Variants in DYM observed in about 807,000 individuals in gnomAD.
DYM encodes dyggve-Melchior-Clausen syndrome protein.
Under a neutral mutation model 93.1 loss-of-function variants are expected in DYM, and 78 were observed. The observed-to-expected ratio is 0.84, with a 90% CI of 0.70 to 1.01. The LOEUF (loss-of-function observed/expected upper bound fraction) is 1.01. DYM is among the 50% of genes least tolerant of loss of function. DYM has a pLI of 0.00. For synonymous variants in DYM, 321 were observed against 319.7 expected (o/e 1.00, Z -0.04); for missense variants, 789 against 845.0 (o/e 0.93, Z 0.82).
intron 17 of DYM, among the ~76,000 whole-genome samples, chr18:49,068,425 T>C (rs1042370060): frequency 6.6e-6 from 1 of 152,264 alleles, no homozygotes; most frequent in Non-Finnish European, 1.5e-5. Context: ...GGTTCCTTCA[T>C]ACCTTTCTTT....
intron 15 of DYM, among the ~76,000 whole-genome samples, chr18:49,134,937 T>C (rs1168007142): frequency 1.3e-5 from 2 of 152,008 alleles, no homozygotes; most frequent in Non-Finnish European, 2.9e-5. Flanking sequence ...TGAAACCCCA[T>C]CTCTACTAAA....
intron 13 of DYM, among the ~76,000 whole-genome samples, chr18:49,220,107 A>G (rs1367879449): frequency 6.6e-6 from 1 of 152,166 alleles, no homozygotes; most frequent in Non-Finnish European, 1.5e-5. Context: ...TTATACACCA[A>G]TAACAGACAA....
intron 1 of DYM, among the ~76,000 whole-genome samples, chr18:49,439,154 T>C (rs1267986784): frequency 6.6e-6 from 1 of 152,208 alleles, no homozygotes; most frequent in Non-Finnish European, 1.5e-5. Flanking sequence ...GTTCTGTTGA[T>C]ATCTCTAAAA....
chr18:49,191,239 T>C (rs2090943137), intron 14 of DYM, among the ~76,000 whole-genome samples: 1 of 152,142 alleles, frequency 6.6e-6, no homozygotes, highest in Non-Finnish European at 1.5e-5. Flanking sequence ...AACAGAAGAA[T>C]GACAAGGAAG....
rs28452166 is a variant in DYM, at chr18:49,289,808, T to C, written c.764-3192A>G. On this transcript the variant is annotated intron_variant, in intron 8 of 17. Coordinates refer to ENST00000675505, the MANE Select transcript of DYM (RefSeq NM_001353214.3). ...ATATATACACACATATATATATATA[T>C]ACACATATATATTTATTTATATATT... is the stretch of plus-strand genomic sequence containing the variant. Among the ~76,000 whole-genome samples, 1,064 of 126,246 alleles carry C rather than the reference T, an allele frequency of 8.4e-3. 15 individuals are homozygous for C. The highest frequency in any genetic ancestry group is 0.064 in the Middle Eastern group (15 of 234). The allele number at this position is 126,246 out of a possible 152,430, so 82.8% of individuals were successfully genotyped here.
chr18:49,233,849 G>A (rs1055500271), intron 13 of DYM, among the ~76,000 whole-genome samples: 6 of 152,124 alleles, frequency 3.9e-5, no homozygotes, highest in East Asian at 1.9e-4. Context: ...AGTGCTGGCC[G>A]GGCGCGGTGG....
intron 12 of DYM, 60 bp downstream of exon 12, chr18:49,258,320 A>T: frequency 1.6e-6 from 2 of 1,234,236 alleles, no homozygotes; most frequent in Non-Finnish European, 1.2e-6. Context: ...GGATTGCTTT[A>T]AACTATCGTC....
At chr18:49,432,016 A>T (rs1189470158) in intron 1 of DYM, 2 of 152,230 alleles carry the variant, frequency 1.3e-5, no homozygotes, top group Non-Finnish European at 2.9e-5. Flanking sequence ...TAAGACAGCT[A>T]ATCATAAGGT....
chr18:49,357,203 C>T (rs896495212), intron 6 of DYM, among the ~76,000 whole-genome samples: 4 of 152,174 alleles, frequency 2.6e-5, no homozygotes, highest in Non-Finnish European at 5.9e-5. Context: ...TTCTTCTCAT[C>T]GGGGTATCTT....
At chr18:49,264,958 T>G (rs1776416380) in intron 11 of DYM, among the ~76,000 whole-genome samples, 1 of 152,214 alleles carries the variant, frequency 6.6e-6, no homozygotes, top group Non-Finnish European at 1.5e-5. Context: ...CAAAAGTGAC[T>G]GTGTCTTAAA....
At chr18:49,180,956 G>A (rs562007771) in intron 14 of DYM, among the ~76,000 whole-genome samples, 3 of 152,242 alleles carry the variant, frequency 2.0e-5, no homozygotes, top group African/African-American at 7.2e-5. Flanking sequence ...ATTCCAACTT[G>A]TTATATGTTA....
Position 49,225,810 on chromosome 18 carries a change from A to G in DYM, c.1461-16095T>C, listed in dbSNP as rs538957005. 7.4e-4 allele frequency among the ~76,000 whole-genome samples: 113 copies of G among 152,254 alleles called. 2 individuals are homozygous for G. The highest frequency in any genetic ancestry group is 2.7e-3 in the African/African-American group (112 of 41,564). ...ATAAGTGCATCAATAAAGATCTAAA[A>G]CCTGAACATTTGTAGAAACATAAAT... On this transcript the variant is annotated intron_variant, in intron 13 of 17. Coordinates refer to ENST00000675505, the MANE Select transcript of DYM (RefSeq NM_001353214.3).
chr18:49,387,256 T>C (rs768284368), intron 3 of DYM, among the ~76,000 whole-genome samples: 2 of 151,596 alleles, frequency 1.3e-5, no homozygotes, highest in African/African-American at 2.4e-5. Flanking sequence ...ATATCTGTTA[T>C]AGTGATCTCT....
In DYM at chr18:49,363,216, G is replaced by T; in HGVS notation, c.439C>A (p.Leu147Ile). The change falls in exon 6 of 18, where the codon CTT becomes ATT. Residue 147 changes from leucine to isoleucine, a missense_variant. By Grantham distance (5) the Leu-to-Ile change is conservative (BLOSUM62 2). Transcript: ENST00000675505. ...AAACAGCACAGCAATTCTTCCAAAA[G>T]ATCTTCTGAGTCAGAACCTGGTAAG... ...PGNYSSDSED[L>I]LEELLCCLMQ... The T allele has an allele frequency of 6.2e-7, 1 of 1,613,774 alleles. No homozygotes were observed. The highest frequency in any genetic ancestry group is 8.5e-7 in the Non-Finnish European group (1 of 1,179,808).
At chr18:49,155,988 G>A (rs988657414) in intron 15 of DYM, among the ~76,000 whole-genome samples, 1 of 152,182 alleles carries the variant, frequency 6.6e-6, no homozygotes, top group East Asian at 1.9e-4. Flanking sequence ...TAAAATGGCT[G>A]CACCATATAA....
intron 13 of DYM, among the ~76,000 whole-genome samples, chr18:49,219,380 G>C (rs1317264520): frequency 1.3e-5 from 2 of 152,202 alleles, no homozygotes; most frequent in African/African-American, 4.8e-5. Context: ...AATAGAAAAA[G>C]AGGGAACCCT....
chr18:49,445,466 A>ATTCCCTTT (rs1229061954), intron 1 of DYM, among the ~76,000 whole-genome samples: 3 of 152,212 alleles, frequency 2.0e-5, no homozygotes, highest in African/African-American at 7.2e-5. Flanking sequence ...TGAAATTTAA[A>ATTCCCTTT]ACAAAAGAAC....
intron 14 of DYM, among the ~76,000 whole-genome samples, chr18:49,166,629 G>A (rs192248859): frequency 6.6e-5 from 10 of 152,070 alleles, no homozygotes; most frequent in Admixed American, 4.6e-4. Flanking sequence ...AAAAAATTGG[G>A]ATTGTTTATA....
intron 17 of DYM, among the ~76,000 whole-genome samples, chr18:49,050,342 C>T (rs563983256): frequency 1.3e-5 from 2 of 152,056 alleles, no homozygotes; most frequent in Admixed American, 6.5e-5. Flanking sequence ...CTGCCTGCCT[C>T]GGCCTCCCAA....
Sources: allele counts gnomAD v4.1 joint callset (sites outside exome capture counted in the v4.1 genomes callset), GRCh38; gene constraint gnomAD v4.1.1; transcripts MANE v1.5; gene names NCBI Gene and HGNC (gene_info 2026-07-23, HGNC 2026-07-21).